The following TIAM2 variants were observed in gnomAD, a reference collection of about 807,000 sequenced individuals.
The protein encoded by TIAM2 is TIAM Rac1 associated GEF 2.
In TIAM2, 80 loss-of-function variants were observed where a neutral mutation model predicts 152.9. The observed-to-expected ratio is 0.52, with a 90% CI of 0.44 to 0.63. The LOEUF is 0.63. TIAM2 is among the 30% of genes least tolerant of loss of function. TIAM2 has a pLI of 0.00. For synonymous variants in TIAM2, 804 were observed against 838.0 expected (o/e 0.96, Z 0.70); for missense variants, 1,965 against 2,120.1 (o/e 0.93, Z 1.44).
At position 155,252,008 on chromosome 6, in the gene TIAM2, G is replaced by A. The variant is rs1279309396; in HGVS notation, c.4119+5G>A. ...TGCAAACTGAAAAAGAAATTGGTAA[G>A]GCAAAAATTCATTTTAATTTAAGCT... is the stretch of plus-strand genomic sequence containing the variant. On this transcript the variant is annotated splice_donor_5th_base_variant and intron_variant, in intron 23 of 26. Transcript: ENST00000682666. 1 of 1,601,054 alleles carries A rather than the reference G, an allele frequency of 6.2e-7. No homozygotes were observed. Among genetic ancestry groups the A allele is most frequent in the Admixed American group, 1.8e-5 (1 of 57,086 alleles).
chr6:155,000,982 TCAAA>T (rs551434752), intron 1 of TIAM2, among the ~76,000 whole-genome samples: 13 of 152,226 alleles, frequency 8.5e-5, no homozygotes, highest in African/African-American at 2.6e-4. Flanking sequence ...AGACCCCATC[TCAAA>T]CAAACAAACA....
At chr6:155,147,027 G>T (rs1779834376) in intron 6 of TIAM2, among the ~76,000 whole-genome samples, 1 of 152,010 alleles carries the variant, frequency 6.6e-6, no homozygotes, top group African/African-American at 2.4e-5. Context: ...ACTGTGCCCA[G>T]CCAAAAATAA....
At chr6:155,017,794 C>T (rs766108069) in intron 1 of TIAM2, among the ~76,000 whole-genome samples, 10 of 152,144 alleles carry the variant, frequency 6.6e-5, no homozygotes, top group African/African-American at 1.4e-4. Flanking sequence ...TGAGCCACCA[C>T]GCCTGACTCT....
intron 20 of TIAM2, among the ~76,000 whole-genome samples, chr6:155,249,642 A>T (rs1390228603): frequency 6.6e-6 from 1 of 152,216 alleles, no homozygotes; most frequent in Non-Finnish European, 1.5e-5. Flanking sequence ...CATTTCAAAA[A>T]GAATTTGAAG....
At chr6:155,055,401 A>C (rs1178468707) in intron 1 of TIAM2, among the ~76,000 whole-genome samples, 1 of 152,230 alleles carries the variant, frequency 6.6e-6, no homozygotes, top group Non-Finnish European at 1.5e-5. Flanking sequence ...AGAAAGCAAG[A>C]TTATAGAAGA....
chr6:155,148,286 G>C lies in TIAM2; in HGVS notation c.1980G>C (p.Gln660His). The C allele has an allele frequency of 6.2e-7, 1 of 1,612,302 alleles. No individual in the cohort carries two copies. The highest frequency in any genetic ancestry group is 8.5e-7 in the Non-Finnish European group (1 of 1,180,006). ...DSKMKKMAELQLSVVSDPKNR... is the reference protein window; with the variant it reads ...DSKMKKMAELHLSVVSDPKNR... Reference sequence around the variant, plus strand: ...AGATGAAGAAGATGGCAGAGCTGCAGCTGTCCGTGGTGAGCGACCCAAAGA... The same window carrying C: ...AGATGAAGAAGATGGCAGAGCTGCACCTGTCCGTGGTGAGCGACCCAAAGA... Residue 660 changes from glutamine (Q) to histidine (H), a missense_variant, in exon 7 of 27, where the codon CAG becomes CAC. Around this residue, in one of 3 missense-constraint regions of TIAM2, gnomAD observed 1,025 missense variants for 1,119.4 expected, o/e 0.92. Transcript: ENST00000682666.
In TIAM2 at chr6:155,218,570, C is replaced by T. The variant is rs1453285478; in HGVS notation, c.3168+7263C>T. Among the ~76,000 whole-genome samples, 2 of 152,308 alleles carry T rather than the reference C, an allele frequency of 1.3e-5. No homozygotes were observed. The highest frequency in any genetic ancestry group is 2.4e-5 in the African/African-American group (1 of 41,558). The stretch of plus-strand genomic sequence containing the variant: ...CAACCCAGTGTTGTCAAAGGAATCA[C>T]GTGAGATTATGTCCAACTAGGAGCA... On this transcript the variant is annotated intron_variant, in intron 15 of 26. Coordinates refer to ENST00000682666, the MANE Select transcript of TIAM2 (RefSeq NM_012454.4). This position sits in a 1 kb window ranked among gnomAD's most constrained non-coding sequence, Gnocchi z 4.5.
chr6:155,128,874 A>G (rs759644098), intron 3 of TIAM2, among the ~76,000 whole-genome samples: 1 of 152,120 alleles, frequency 6.6e-6, no homozygotes, highest in Non-Finnish European at 1.5e-5. Context: ...CTCAAAAAAA[A>G]AGCAAAAAAA....
intron 1 of TIAM2, among the ~76,000 whole-genome samples, chr6:155,084,651 C>T (rs531460377): frequency 1.2e-4 from 18 of 152,098 alleles, no homozygotes; most frequent in Non-Finnish European, 2.5e-4. Context: ...ACTTGGCTTA[C>T]AGTACTCAGT....
At chr6:155,083,890 C>T (rs1262163185) in intron 1 of TIAM2, among the ~76,000 whole-genome samples, 1 of 152,212 alleles carries the variant, frequency 6.6e-6, no homozygotes, top group Non-Finnish European at 1.5e-5. Context: ...CTTAGGGCTT[C>T]AGGGCAAATG....
chr6:155,165,158 C>T (rs1379878053), intron 8 of TIAM2, 105 bp from the exon 9 acceptor site: 76 of 1,239,240 alleles, frequency 6.1e-5, no homozygotes, highest in Non-Finnish European at 7.8e-5. Context: ...GAGCTTTTGG[C>T]GATAGTCAGA....
At chr6:155,027,439 AAT>A (rs1776631965) in intron 1 of TIAM2, among the ~76,000 whole-genome samples, 1 of 92,328 alleles carries the variant, frequency 1.1e-5, no homozygotes, top group East Asian at 2.6e-4. Flanking sequence ...TACTATATAT[AAT>A]ATATATACTG....
intron 15 of TIAM2, among the ~76,000 whole-genome samples, chr6:155,232,210 A>G (rs1782505756): frequency 6.6e-6 from 1 of 152,154 alleles, no homozygotes; most frequent in Non-Finnish European, 1.5e-5. Flanking sequence ...TAAGTTAGAC[A>G]GTGACTTTTA....
intron 15 of TIAM2, among the ~76,000 whole-genome samples, chr6:155,217,937 C>T (rs1364278645): frequency 6.6e-6 from 1 of 152,080 alleles, no homozygotes; most frequent in African/African-American, 2.4e-5. Context: ...TTGGCTTAAC[C>T]TTTTGAGTTT....
intron 1 of TIAM2, among the ~76,000 whole-genome samples, chr6:155,041,370 G>A (rs1204022458): frequency 6.9e-6 from 1 of 144,948 alleles, no homozygotes; most frequent in African/African-American, 2.6e-5. Context: ...GAGATTTAAT[G>A]GGGGTTCAAA....
At chr6:155,222,577 G>T (rs1782085605) in intron 15 of TIAM2, among the ~76,000 whole-genome samples, 1 of 147,868 alleles carries the variant, frequency 6.8e-6, no homozygotes, top group Non-Finnish European at 1.5e-5. Context: ...CTCCAACCTG[G>T]ATGACAGAGC....
chr6:155,129,425 TTTAAG>T lies in TIAM2; in HGVS notation c.203_207del (p.Phe68Ter). 3 of 1,614,034 alleles carry T rather than the reference TTTAAG, an allele frequency of 1.9e-6. No homozygotes were observed. The highest frequency in any genetic ancestry group is 2.5e-6 in the Non-Finnish European group (3 of 1,179,996). On this transcript the variant is annotated frameshift_variant, in exon 4 of 27. Coordinates refer to ENST00000682666, the MANE Select transcript of TIAM2 (RefSeq NM_012454.4). LOFTEE classifies it high-confidence loss of function. This position sits in a 1 kb window ranked among gnomAD's most constrained non-coding sequence, Gnocchi z 4.8. Reference sequence around the variant, plus strand: ...CCTGGCCCGAAGCTGCCTTTCTCACTTTAAGAGTAACCAGCCTTACGCATCGAGAC... The same window carrying T: ...CCTGGCCCGAAGCTGCCTTTCTCACTAGTAACCAGCCTTACGCATCGAGAC...
chr6:155,138,638 A>G (rs1779614115), intron 5 of TIAM2, among the ~76,000 whole-genome samples: 1 of 151,882 alleles, frequency 6.6e-6, no homozygotes, highest in Non-Finnish European at 1.5e-5. Flanking sequence ...CCCTGTGTCC[A>G]TGTGTTCTCA....
At chr6:155,243,086 G>A in intron 16 of TIAM2, among the ~76,000 whole-genome samples, 1 of 152,232 alleles carries the variant, frequency 6.6e-6, no homozygotes, top group East Asian at 1.9e-4. Flanking sequence ...CATGGGTTTT[G>A]TAACTGCAGT....
Sources: allele counts gnomAD v4.1 joint callset (sites outside exome capture counted in the v4.1 genomes callset), GRCh38; gene constraint gnomAD v4.1.1; regional missense constraint gnomAD v4.1.1; non-coding constraint Gnocchi (gnomAD v3.1); transcripts MANE v1.5; gene names NCBI Gene and HGNC (gene_info 2026-07-23, HGNC 2026-07-21).